Variants in ZFHX3 observed in about 807,000 individuals in gnomAD.
The protein encoded by ZFHX3 is zinc finger homeobox protein 3.
Under a neutral mutation model 279.1 loss-of-function variants are expected in ZFHX3, and 42 were observed. That is an observed-to-expected ratio of 0.15 (90% CI 0.12 to 0.19). The LOEUF is 0.19. Among genes scored for constraint, ZFHX3 ranks in the 10% least tolerant of loss-of-function variants. The pLI is 1.00. For missense variants in ZFHX3, 4,981 were observed against 4,754.0 expected (o/e 1.05, Z -1.40); for synonymous variants, 2,293 against 1,957.8 (o/e 1.17, Z -4.52).
chr16:73,740,607 T>G (rs1209931747), intron 1 of ZFHX3, among the ~76,000 whole-genome samples: 1 of 152,216 alleles, frequency 6.6e-6, no homozygotes, highest in African/African-American at 2.4e-5. Context: ...TTTACCATGC[T>G]TTGAATGCCC....
chr16:73,130,966 A>T lies in ZFHX3; in HGVS notation c.-897+2T>A. On this transcript the variant is annotated splice_donor_variant, in intron 7 of 17. Coordinates refer to the ZFHX3 transcript ENST00000641206. LOFTEE classifies it low-confidence loss of function (5UTR_SPLICE). ...GGGCACTATAAGACATTTGTCACCA[A>T]CCTCTATGCAACTGCCGCTTTGTGC... 7.7e-7 allele frequency: 1 copy of T among 1,304,638 alleles called. No homozygotes were observed. Among genetic ancestry groups the T allele is most frequent in the Non-Finnish European group, 1.0e-6 (1 of 988,628 alleles). The allele number at this position is 1,304,638 out of a possible 1,614,324, so 80.8% of individuals were successfully genotyped here. A position where few individuals can be genotyped will look rare whatever the true frequency, so the allele number is the denominator to read the frequency against.
At chr16:73,227,060 T>G (rs1447784588) in intron 5 of ZFHX3, among the ~76,000 whole-genome samples, 1 of 152,216 alleles carries the variant, frequency 6.6e-6, no homozygotes. Context: ...TTTTGATTGC[T>G]TTTACACTTT....
intron 2 of ZFHX3, among the ~76,000 whole-genome samples, chr16:73,614,196 A>C (rs1000938131): frequency 2.6e-5 from 4 of 152,220 alleles, no homozygotes; most frequent in Non-Finnish European, 5.9e-5. Context: ...ACGTGAACGT[A>C]TGTGATGTGT....
chr16:73,795,274 G>A (rs1959958030), intron 1 of ZFHX3, among the ~76,000 whole-genome samples: 1 of 152,160 alleles, frequency 6.6e-6, no homozygotes, highest in Non-Finnish European at 1.5e-5. Context: ...TGCTTTGTCT[G>A]GAAATTCCAT....
At chr16:73,614,512 C>A (rs1317285794) in intron 2 of ZFHX3, among the ~76,000 whole-genome samples, 2 of 152,070 alleles carry the variant, frequency 1.3e-5, no homozygotes, top group Non-Finnish European at 2.9e-5. Flanking sequence ...ATTCCACGGG[C>A]ACTATATATC....
At chr16:73,588,295 C>T (rs1160556611) in intron 2 of ZFHX3, among the ~76,000 whole-genome samples, 1 of 151,964 alleles carries the variant, frequency 6.6e-6, no homozygotes, top group African/African-American at 2.4e-5. Context: ...TAAATGTTTA[C>T]AAAGGAATAC....
chr16:73,503,903 C>A (rs2143670739), intron 2 of ZFHX3, among the ~76,000 whole-genome samples: 1 of 152,172 alleles, frequency 6.6e-6, no homozygotes, highest in East Asian at 1.9e-4. Flanking sequence ...GAGGAAGAAA[C>A]TAGGGTGATA....
At chr16:72,803,495 A>C (rs922439570) in intron 7 of ZFHX3, among the ~76,000 whole-genome samples, 1 of 152,116 alleles carries the variant, frequency 6.6e-6, no homozygotes, top group Admixed American at 6.5e-5. Flanking sequence ...CCCTCAAATA[A>C]CTGGTCCTAC....
chr16:73,834,606 G>C (rs1961088513), intron 1 of ZFHX3, among the ~76,000 whole-genome samples: 1 of 152,228 alleles, frequency 6.6e-6, no homozygotes, highest in Admixed American at 6.5e-5. Flanking sequence ...TGGGAAAGAA[G>C]TGTCAGCTGG....
chr16:73,868,078 T>A (rs1165747857), intron 1 of ZFHX3, among the ~76,000 whole-genome samples: 2 of 152,238 alleles, frequency 1.3e-5, no homozygotes, highest in Non-Finnish European at 2.9e-5. Flanking sequence ...TGGTTGATGC[T>A]TTTTGTTCTT....
intron 1 of ZFHX3, among the ~76,000 whole-genome samples, chr16:73,712,568 T>G (rs1355509081): frequency 6.6e-6 from 1 of 152,218 alleles, no homozygotes; most frequent in African/African-American, 2.4e-5. Flanking sequence ...AGTGCCCATT[T>G]GGCTTCTTTG....
rs1463529846 is a variant in ZFHX3 at position 72,800,040 on chromosome 16, T to C, written c.3954A>G (p.Ala1318=). 1 of 1,614,174 alleles carries C rather than the reference T, an allele frequency of 6.2e-7. No homozygotes were observed. The highest frequency in any genetic ancestry group is 1.3e-5 in the African/African-American group (1 of 75,054). ...DRDGNSNLEE[A]GKQPETSEDL... is the part of the protein sequence containing the mutation. Reference sequence around the variant, plus strand: ...AATGATACTGACCAGGCTGCTTTCCTGCCTCTTCCAAATTGGAATTCCCAT... The same window carrying C: ...AATGATACTGACCAGGCTGCTTTCCCGCCTCTTCCAAATTGGAATTCCCAT... Residue 1318 remains alanine (A), a synonymous_variant, in exon 8 of 10, where the codon GCA becomes GCG. Transcript: ENST00000268489.
At chr16:72,882,122 A>C (rs2038491645) in intron 4 of ZFHX3, among the ~76,000 whole-genome samples, 1 of 149,500 alleles carries the variant, frequency 6.7e-6, no homozygotes, top group African/African-American at 2.5e-5. Flanking sequence ...AAACACACCC[A>C]TATACTGTCT....
intron 2 of ZFHX3, among the ~76,000 whole-genome samples, chr16:73,479,833 A>G (rs776268818): frequency 1.2e-4 from 19 of 152,200 alleles, no homozygotes; most frequent in Admixed American, 5.2e-4. Context: ...TTCTCCATCA[A>G]TAGGATCAGG....
At chr16:72,878,789 C>T (rs577862324) in intron 4 of ZFHX3, among the ~76,000 whole-genome samples, 1 of 152,258 alleles carries the variant, frequency 6.6e-6, no homozygotes, top group Non-Finnish European at 1.5e-5. Flanking sequence ...GTACCAAGTC[C>T]CTACTCTGCT....
At chr16:73,639,157 T>C (rs191077566) in intron 2 of ZFHX3, among the ~76,000 whole-genome samples, 6 of 152,264 alleles carry the variant, frequency 3.9e-5, no homozygotes, top group Non-Finnish European at 5.9e-5. Flanking sequence ...TCTTTCTTCA[T>C]ACCCAAGAAC....
chr16:72,794,811 G>T lies in ZFHX3; in HGVS notation c.7871C>A (p.Ala2624Glu). 1.2e-6 allele frequency: 2 copies of T among 1,614,128 alleles called. No individual in the cohort carries two copies. The highest frequency in any genetic ancestry group is 1.7e-6 in the Non-Finnish European group (2 of 1,180,034). ...CCCACTGTCGTTTTCGCCAGGGCTT[G>T]CACTGGCCTTTTCCTCCAGCTTCCT... Reference protein sequence around the residue: ...LKRKLEEKASASPGENDSGTG... With the variant: ...LKRKLEEKASESPGENDSGTG... Residue 2624 changes from alanine (A) to glutamate (E), a missense_variant, in exon 9 of 10, where the codon GCA (alanine) becomes GAA (glutamate). By Grantham distance (107) the Ala-to-Glu change is moderately radical. This residue lies in a region of ZFHX3 where 744 missense variants were observed against 701.3 expected (regional missense o/e 1.06). Coordinates refer to ENST00000268489, the MANE Select transcript of ZFHX3 (RefSeq NM_006885.4). The surrounding 1 kb of genome is among the most constrained non-coding windows in gnomAD (Gnocchi z 4.2).
chr16:73,204,445 G>C (rs1429401189), intron 5 of ZFHX3, among the ~76,000 whole-genome samples: 2 of 152,162 alleles, frequency 1.3e-5, no homozygotes, highest in Non-Finnish European at 2.9e-5. Context: ...GCCCAACCTA[G>C]ATCCCTCGCA....
At chr16:73,034,553 C>T (rs1459101405) in intron 1 of ZFHX3, among the ~76,000 whole-genome samples, 1 of 152,052 alleles carries the variant, frequency 6.6e-6, no homozygotes, top group Non-Finnish European at 1.5e-5. Flanking sequence ...TTCATGCCTT[C>T]CTCCTGCCCC....
Sources: gnomAD v4.1 joint callset for allele counts (sites outside exome capture counted in the v4.1 genomes callset) on GRCh38, gnomAD v4.1.1 for gene constraint, gnomAD v4.1.1 regional missense constraint, Gnocchi (gnomAD v3.1) non-coding constraint, MANE v1.5 for transcripts, NCBI Gene and HGNC (gene_info 2026-07-23, HGNC 2026-07-21) for gene names.